Variants in SGIP1 observed in about 807,000 individuals in gnomAD.
SGIP1 encodes SH3GL interacting endocytic adaptor 1, also known as SH3-containing GRB2-like protein 3-interacting protein 1.
SGIP1 carries 38 observed loss-of-function variants against 107.5 expected under a neutral mutation model. The ratio of observed to expected loss-of-function variants is 0.35; its 90% confidence interval spans 0.27 to 0.46. SGIP1 has a LOEUF of 0.46. SGIP1 is among the 20% of genes least tolerant of loss of function. The pLI, the probability that SGIP1 is intolerant of heterozygous loss-of-function variation, is 1.00. For synonymous variants in SGIP1, 365 were observed against 366.1 expected (o/e 1.00, Z 0.03); for missense variants, 929 against 1,019.5 (o/e 0.91, Z 1.21).
chr1:66,661,071 G>T (rs2081372202), intron 8 of SGIP1, among the ~76,000 whole-genome samples: 1 of 152,084 alleles, frequency 6.6e-6, no homozygotes, highest in African/African-American at 2.4e-5. Context: ...ATTACCTCCT[G>T]GATGTTAATT....
At chr1:66,715,471 T>TG (rs1295049018) in intron 18 of SGIP1, among the ~76,000 whole-genome samples, 9 of 142,594 alleles carry the variant, frequency 6.3e-5, no homozygotes, top group African/African-American at 1.9e-4. Flanking sequence ...ATGTTGTTGT[T>TG]GGGGGGGCGT....
At chr1:66,715,655 ATG>A (rs895529826) in intron 18 of SGIP1, among the ~76,000 whole-genome samples, 1 of 152,164 alleles carries the variant, frequency 6.6e-6, no homozygotes, top group Non-Finnish European at 1.5e-5. Flanking sequence ...ATTTCTAGTG[ATG>A]TGTCTTACTC....
intron 1 of SGIP1, among the ~76,000 whole-genome samples, chr1:66,543,604 G>A (rs1456152562): frequency 6.6e-6 from 1 of 152,176 alleles, no homozygotes; most frequent in Non-Finnish European, 1.5e-5. Context: ...AAATGAATGT[G>A]TCCCCAGGGT....
At chr1:66,593,911 A>T (rs949405862) in intron 1 of SGIP1, among the ~76,000 whole-genome samples, 7 of 152,332 alleles carry the variant, frequency 4.6e-5, no homozygotes, top group African/African-American at 1.4e-4. Flanking sequence ...ACATACTTTA[A>T]AGAATATTTA....
chr1:66,541,071 T>C (rs1223640298), intron 1 of SGIP1, among the ~76,000 whole-genome samples: 1 of 152,248 alleles, frequency 6.6e-6, no homozygotes, highest in East Asian at 1.9e-4. Context: ...GTTTAATTTT[T>C]CTCTATGTTG....
intron 18 of SGIP1, among the ~76,000 whole-genome samples, chr1:66,715,395 C>T (rs2093178127): frequency 1.3e-5 from 2 of 151,868 alleles, no homozygotes; most frequent in Admixed American, 1.3e-4. Context: ...TTTCTGCTTC[C>T]CTGGCATCAT....
At chr1:66,648,950 C>T (rs920590325) in intron 7 of SGIP1, among the ~76,000 whole-genome samples, 2 of 152,150 alleles carry the variant, frequency 1.3e-5, no homozygotes, top group Non-Finnish European at 2.9e-5. Context: ...ACTTTTTGTG[C>T]AGAAGATCCT....
intron 4 of SGIP1, among the ~76,000 whole-genome samples, chr1:66,638,493 T>A (rs2076205949): frequency 6.6e-6 from 1 of 152,206 alleles, no homozygotes; most frequent in Non-Finnish European, 1.5e-5. Context: ...AGGGAGATGG[T>A]CACAGACCTT....
At chr1:66,658,031 A>G (rs552686029) in intron 7 of SGIP1, among the ~76,000 whole-genome samples, 1 of 152,342 alleles carries the variant, frequency 6.6e-6, no homozygotes, top group East Asian at 1.9e-4. Flanking sequence ...GCAAAACAAC[A>G]TATTAAATAA....
At position 66,747,769 on chromosome 1, in the gene SGIP1, T is replaced by G. The variant is rs941762826; in HGVS notation, c.*4674T>G. The G allele has an allele frequency of 4.6e-5, 7 of 151,884 alleles. No individual in the cohort carries two copies. Among genetic ancestry groups the G allele is most frequent in the African/African-American group, 1.7e-4 (7 of 41,400 alleles). 9.4% of individuals were successfully genotyped at this position (151,884 alleles called of 1,614,324 possible). A position where few individuals can be genotyped will look rare whatever the true frequency, so the allele number is the denominator to read the frequency against. On this transcript the variant is annotated 3_prime_UTR_variant, in exon 25 of 25. Coordinates refer to ENST00000371037, the MANE Select transcript of SGIP1 (RefSeq NM_032291.4). Reference sequence around the variant, plus strand: ...AATATGCAGATACATACTAAACAGATGAGTGTGTGTGTATGTGTCTGTGTT... The same window carrying G: ...AATATGCAGATACATACTAAACAGAGGAGTGTGTGTGTATGTGTCTGTGTT...
intron 1 of SGIP1, among the ~76,000 whole-genome samples, chr1:66,605,153 C>T (rs979509620): frequency 2.0e-5 from 3 of 152,186 alleles, no homozygotes; most frequent in Non-Finnish European, 4.4e-5. Context: ...CATGACCTGA[C>T]CCTTTAGCCC....
At chr1:66,582,279 C>T (rs1240107392) in intron 1 of SGIP1, among the ~76,000 whole-genome samples, 1 of 152,014 alleles carries the variant, frequency 6.6e-6, no homozygotes, top group Non-Finnish European at 1.5e-5. Context: ...ATAACATTGC[C>T]TCTGAAAATG....
intron 9 of SGIP1, among the ~76,000 whole-genome samples, chr1:66,669,008 T>C (rs1043898460): frequency 6.6e-5 from 10 of 152,246 alleles, no homozygotes; most frequent in African/African-American, 1.9e-4. Context: ...CAGAGATCTG[T>C]ATGCCCATCC....
In SGIP1 at chr1:66,660,509, T is replaced by G. The variant is rs759580639; in HGVS notation, c.460-4T>G. The G allele has an allele frequency of 1.2e-6, 2 of 1,610,684 alleles. No homozygotes were observed. Among genetic ancestry groups the G allele is most frequent in the South Asian group, 2.2e-5 (2 of 91,006 alleles). On this transcript the variant is annotated splice_region_variant and splice_polypyrimidine_tract_variant and intron_variant, in intron 7 of 24. Transcript: ENST00000371037. Reference sequence around the variant, plus strand: ...ATTCTTCCTCCCCATGCCTACGCTTTTAGAGGAAAAGTCCGGTAAGAAATA... The same window carrying G: ...ATTCTTCCTCCCCATGCCTACGCTTGTAGAGGAAAAGTCCGGTAAGAAATA...
At chr1:66,727,045 A>G (rs560385410) in intron 19 of SGIP1, among the ~76,000 whole-genome samples, 10 of 152,368 alleles carry the variant, frequency 6.6e-5, no homozygotes, top group Admixed American at 4.6e-4. Flanking sequence ...TAAGACACCG[A>G]AAGAATGACT....
At chr1:66,541,209 C>T (rs1380909047) in intron 1 of SGIP1, among the ~76,000 whole-genome samples, 1 of 152,198 alleles carries the variant, frequency 6.6e-6, no homozygotes, top group Non-Finnish European at 1.5e-5. Context: ...TATTCTGTAT[C>T]GAATGCACAC....
intron 1 of SGIP1, among the ~76,000 whole-genome samples, chr1:66,618,998 A>G (rs1414877318): frequency 2.0e-5 from 3 of 152,138 alleles, no homozygotes; most frequent in East Asian, 3.9e-4. Context: ...ACGCATTTGC[A>G]TGCTTCTGGG....
intron 17 of SGIP1, 153 bp downstream of exon 17, chr1:66,690,469 C>A: frequency 9.4e-7 from 1 of 1,067,346 alleles, no homozygotes; most frequent in Non-Finnish European, 1.3e-6. Flanking sequence ...ACCACCTTCT[C>A]AGCAAAGGAG....
intron 1 of SGIP1, among the ~76,000 whole-genome samples, chr1:66,576,337 T>C (rs2148672522): frequency 6.6e-6 from 1 of 152,272 alleles, no homozygotes; most frequent in South Asian, 2.1e-4. Flanking sequence ...CCCAAGTAGT[T>C]GAACAGTGTA....
Sources: gnomAD v4.1 joint callset for allele counts (sites outside exome capture counted in the v4.1 genomes callset) on GRCh38, gnomAD v4.1.1 for gene constraint, MANE v1.5 for transcripts, NCBI Gene and HGNC (gene_info 2026-07-23, HGNC 2026-07-21) for gene names.